The following IL1RL1 variants were observed in gnomAD, a reference collection of about 807,000 sequenced individuals.
IL1RL1 encodes interleukin 1 receptor like 1.
Under a neutral mutation model 50.9 loss-of-function variants are expected in IL1RL1, and 32 were observed. The ratio of observed to expected loss-of-function variants is 0.63; its 90% CI spans 0.47 to 0.84. The LOEUF (loss-of-function observed/expected upper bound fraction) is 0.84, where lower values mean the gene tolerates loss of function less well. IL1RL1 is among the 40% of genes least tolerant of loss of function. The pLI is 0.00. For missense variants in IL1RL1, 773 were observed against 662.9 expected (o/e 1.17, Z -1.82); for synonymous variants, 275 against 236.0 (o/e 1.17, Z -1.51).
At chr2:102,313,203 G>A (rs1455764285) in intron 1 of IL1RL1, 2 of 152,118 alleles carry the variant, frequency 1.3e-5, no homozygotes, top group Admixed American at 1.3e-4. Flanking sequence ...ATAATATCAT[G>A]TTTAGAGGGT....
At chr2:102,344,356 C>G in intron 8 of IL1RL1, 1 of 950,978 alleles carries the variant, frequency 1.1e-6, no homozygotes, top group Non-Finnish European at 1.3e-6. Context: ...CACACATTAT[C>G]ATTGTTAAAC....
intron 7 of IL1RL1, 22 bp downstream of exon 7, chr2:102,343,199 C>A (rs1322279120): frequency 1.2e-6 from 2 of 1,613,446 alleles, no homozygotes; most frequent in East Asian, 2.2e-5. Flanking sequence ...TTGAAGAGAA[C>A]CATCCTCTTC....
chr2:102,325,602 GA>G (rs1365211594), intron 1 of IL1RL1, among the ~76,000 whole-genome samples: 1 of 151,864 alleles, frequency 6.6e-6, no homozygotes, highest in African/African-American at 2.4e-5. Flanking sequence ...TAAAAACCTT[GA>G]AAAAAAATTA....
At chr2:102,342,966 T>A (rs1677627774) in intron 6 of IL1RL1, 70 bp from the exon 7 acceptor site, 2 of 1,489,190 alleles carry the variant, frequency 1.3e-6, no homozygotes, top group Non-Finnish European at 1.8e-6. Context: ...GTTTTTTTTT[T>A]ACATTAAATG....
chr2:102,338,173 T>C lies in IL1RL1; in HGVS notation c.-92T>C. ...TTGAAGAGTATCACCAACTGCCTCA[T>C]GTGTGGTGACCTTCACTGTCGTATG... On this transcript the variant is annotated 5_prime_UTR_variant, in exon 2 of 11. It removes an upstream start codon present in the reference 5' UTR. Transcript: ENST00000233954. 1 of 739,672 alleles carries C rather than the reference T, an allele frequency of 1.4e-6. No homozygotes were observed. Among genetic ancestry groups the C allele is most frequent in the South Asian group, 1.8e-5 (1 of 55,080 alleles). 45.8% of individuals were successfully genotyped at this position (739,672 alleles called of 1,614,324 possible). A position where few individuals can be genotyped will look rare whatever the true frequency, so the allele number is the denominator to read the frequency against.
intron 1 of IL1RL1, among the ~76,000 whole-genome samples, chr2:102,333,583 T>C (rs1677230513): frequency 6.6e-6 from 1 of 152,162 alleles, no homozygotes; most frequent in Non-Finnish European, 1.5e-5. Context: ...ATATGATGGT[T>C]TCTTCTGTTT....
intron 1 of IL1RL1, among the ~76,000 whole-genome samples, chr2:102,313,941 G>A (rs1279215667): frequency 6.6e-6 from 1 of 152,200 alleles, no homozygotes; most frequent in Admixed American, 6.5e-5. Flanking sequence ...GCAACCAAGA[G>A]TCCAGTTCCA....
chr2:102,351,694 A>C lies in IL1RL1; in HGVS notation c.1444A>C (p.Met482Leu). The change falls in exon 11 of 11, where the codon ATG (methionine) becomes CTG (leucine). Residue 482 changes from methionine to leucine, a missense_variant. Met to Leu is a conservative substitution (Grantham distance 15, BLOSUM62 2). Transcript: ENST00000233954. ...CGACGCCAAGGTGATACTTATTGAG[A>C]TGGAGGCTCTGAGCGAGCTGGACAT... ...QNDAKVILIE[M>L]EALSELDMLQ... is the part of the protein sequence containing the mutation. 6.2e-7 allele frequency: 1 copy of C among 1,614,110 alleles called. No homozygotes were observed. Among genetic ancestry groups the C allele is most frequent in the South Asian group, 1.1e-5 (1 of 91,080 alleles).
chr2:102,334,538 A>T (rs1163723491), intron 1 of IL1RL1, among the ~76,000 whole-genome samples: 1 of 152,204 alleles, frequency 6.6e-6, no homozygotes, highest in Non-Finnish European at 1.5e-5. Flanking sequence ...TCAATAAAAA[A>T]AAATAAAAAA....
intron 1 of IL1RL1, among the ~76,000 whole-genome samples, chr2:102,330,135 T>C (rs1438693601): frequency 2.6e-5 from 4 of 152,234 alleles, no homozygotes; most frequent in Admixed American, 2.6e-4. Context: ...GTGGTACATG[T>C]ACACCATGGA....
intron 3 of IL1RL1, 126 bp from the exon 4 acceptor site, chr2:102,339,972 T>C (rs543795914): frequency 2.1e-6 from 1 of 472,226 alleles, no homozygotes; most frequent in Admixed American, 4.2e-5. Context: ...TTTTAAATAA[T>C]AAAATAACCA....
At chr2:102,327,731 A>G (rs141508079) in intron 1 of IL1RL1, among the ~76,000 whole-genome samples, 22,868 of 152,242 alleles carry the variant, frequency 0.15, 2,078 homozygotes, top group East Asian at 0.22. Flanking sequence ...AAACACCTCT[A>G]TGCAAATAAA....
At chr2:102,326,619 C>T (rs963033270) in intron 1 of IL1RL1, among the ~76,000 whole-genome samples, 9 of 151,848 alleles carry the variant, frequency 5.9e-5, no homozygotes, top group African/African-American at 2.2e-4. Context: ...TCTCACATGC[C>T]GGGACACACA....
intron 1 of IL1RL1, among the ~76,000 whole-genome samples, chr2:102,316,293 C>G (rs539962948): frequency 4.5e-4 from 68 of 152,298 alleles, no homozygotes; most frequent in African/African-American, 1.5e-3. Context: ...GCTAATTTAC[C>G]TTAAATCTTT....
intron 2 of IL1RL1, 120 bp from the exon 3 acceptor site, chr2:102,338,717 A>G (rs557076451): frequency 1.4e-6 from 1 of 711,898 alleles, no homozygotes; most frequent in South Asian, 1.9e-5. Context: ...TTCTTTCCCA[A>G]GGTATCACAG....
rs529538426 is a variant in IL1RL1 at position 102,332,839 on chromosome 2, C to T, written c.-149-5277C>T. 6.0e-5 allele frequency among the ~76,000 whole-genome samples: 7 copies of T among 115,804 alleles called. No individual in the cohort carries two copies. In the South Asian group the frequency reaches 1.8e-3, roughly 31 times the overall value. The allele number at this position is 115,804 out of a possible 152,430, so 76.0% of individuals were successfully genotyped here. A position where few individuals can be genotyped will look rare whatever the true frequency, so the allele number is the denominator to read the frequency against. ...AAATTTCAGCGCAATTTTTAAAAAT[C>T]AGAAGCAAAAAAAGAACAGAAAATT... On this transcript the variant is annotated intron_variant, in intron 1 of 10. Transcript: ENST00000233954.
chr2:102,340,543 G>A (rs1250881288), intron 4 of IL1RL1, 123 bp from the exon 5 acceptor site: 7 of 971,178 alleles, frequency 7.2e-6, no homozygotes, highest in East Asian at 2.6e-5. Context: ...AACCTAGAAG[G>A]CAGAGGTTAC....
chr2:102,337,074 T>C (rs1326106287), intron 1 of IL1RL1: 1 of 152,240 alleles, frequency 6.6e-6, no homozygotes, highest in African/African-American at 2.4e-5. Flanking sequence ...AATGATTCAA[T>C]TATTTCCTCT....
intron 1 of IL1RL1, among the ~76,000 whole-genome samples, chr2:102,316,239 A>G (rs1676670656): frequency 6.6e-6 from 1 of 152,360 alleles, no homozygotes; most frequent in Non-Finnish European, 1.5e-5. Flanking sequence ...TTTCTTTGAT[A>G]GGAGGAGTCC....
Sources: gnomAD v4.1 joint callset for allele counts (sites outside exome capture counted in the v4.1 genomes callset) on GRCh38, gnomAD v4.1.1 for gene constraint, MANE v1.5 for transcripts, NCBI Gene and HGNC (gene_info 2026-07-23, HGNC 2026-07-21) for gene names.